Variants in CNBD1 observed in about 807,000 individuals in gnomAD.
CNBD1 encodes the protein cyclic nucleotide binding domain containing 1, also known as cyclic nucleotide-binding domain-containing protein 1.
A neutral mutation model predicts 54.4 loss-of-function variants in CNBD1; 71 were observed. The ratio of observed to expected loss-of-function variants is 1.30; its 90% CI spans 1.08 to 1.59. CNBD1 has a LOEUF of 1.59. Ranked by LOEUF, CNBD1 falls within the 40% of genes most tolerant of loss-of-function variation. The pLI is 0.00. For synonymous variants in CNBD1, 182 were observed against 170.7 expected (o/e 1.07, Z -0.51); for missense variants, 659 against 518.0 (o/e 1.27, Z -2.64).
chr8:87,324,948 A>T (rs1173085907), intron 8 of CNBD1, among the ~76,000 whole-genome samples: 3 of 107,592 alleles, frequency 2.8e-5, no homozygotes, highest in Admixed American at 8.3e-5. Context: ...TCAGTGCTAT[A>T]AATTTCCCTC....
At chr8:87,049,817 G>A (rs2130622003) in intron 4 of CNBD1, among the ~76,000 whole-genome samples, 1 of 152,322 alleles carries the variant, frequency 6.6e-6, no homozygotes, top group African/African-American at 2.4e-5. Flanking sequence ...GCTGTATTAT[G>A]TGGAGTATAA....
rs1185578993 is a variant in CNBD1 at position 87,065,069 on chromosome 8, C to A, written c.431+125315C>A. Among the ~76,000 whole-genome samples the A allele has an allele frequency of 3.3e-5, 5 of 151,898 alleles. No homozygotes were observed. In the East Asian group the frequency reaches 9.6e-4, roughly 29 times the overall value. ...ATGTTTATTCTGTTGTTGCTTCAAT[C>A]TGTTTGGTTCTTAATTTGGTGGTGT... On this transcript the variant is annotated intron_variant, in intron 4 of 10. Coordinates refer to ENST00000518476, the MANE Select transcript of CNBD1 (RefSeq NM_173538.3).
intron 4 of CNBD1, among the ~76,000 whole-genome samples, chr8:87,093,315 G>T (rs2130682955): frequency 6.6e-6 from 1 of 152,274 alleles, no homozygotes; most frequent in East Asian, 1.9e-4. Context: ...GCTAGGAGGA[G>T]ATGAATAAGT....
At chr8:87,184,037 C>T (rs999371042) in intron 4 of CNBD1, among the ~76,000 whole-genome samples, 1 of 152,166 alleles carries the variant, frequency 6.6e-6, no homozygotes, top group Non-Finnish European at 1.5e-5. Flanking sequence ...GGTCTGTGCT[C>T]ACCACTGGGG....
intron 4 of CNBD1, among the ~76,000 whole-genome samples, chr8:87,003,536 C>T (rs964073078): frequency 6.6e-6 from 1 of 152,044 alleles, no homozygotes; most frequent in South Asian, 2.1e-4. Context: ...CCTTCTTTGT[C>T]AAGTAGGAGA....
At chr8:86,922,597 A>G (rs1279224642) in intron 3 of CNBD1, among the ~76,000 whole-genome samples, 2 of 152,200 alleles carry the variant, frequency 1.3e-5, no homozygotes, top group African/African-American at 4.8e-5. Flanking sequence ...AATTGGCTAC[A>G]GGCATAAGAT....
chr8:86,905,234 G>A (rs375660261), intron 3 of CNBD1, 40 bp downstream of exon 3: 4 of 1,133,232 alleles, frequency 3.5e-6, no homozygotes, highest in African/African-American at 1.5e-5. Flanking sequence ...TGATGGGTGT[G>A]TATGAGTGTG....
chr8:87,412,379 G>T (rs1280836106), intron 2 of CNBD1, among the ~76,000 whole-genome samples: 1 of 151,962 alleles, frequency 6.6e-6, no homozygotes, highest in Non-Finnish European at 1.5e-5. Flanking sequence ...TATCACTTCT[G>T]GTTACTCGAT....
chr8:87,424,377 A>T (rs1416462542), intron 2 of CNBD1, among the ~76,000 whole-genome samples: 1 of 151,892 alleles, frequency 6.6e-6, no homozygotes, highest in African/African-American at 2.4e-5. Context: ...TAGGGTGTCA[A>T]TTTTGGATCT....
chr8:87,035,170 T>C (rs1046882606), intron 4 of CNBD1, among the ~76,000 whole-genome samples: 3 of 152,222 alleles, frequency 2.0e-5, no homozygotes, highest in African/African-American at 7.2e-5. Flanking sequence ...CTTAATTAAA[T>C]GAATTATTTT....
intron 5 of CNBD1, among the ~76,000 whole-genome samples, chr8:87,207,372 TG>T: frequency 6.6e-6 from 1 of 152,152 alleles, no homozygotes; most frequent in Middle Eastern, 3.4e-3. Context: ...TATATTGATA[TG>T]GAAACATTAA....
intron 5 of CNBD1, among the ~76,000 whole-genome samples, chr8:87,215,722 G>A (rs1325687750): frequency 6.6e-6 from 1 of 151,952 alleles, no homozygotes; most frequent in Non-Finnish European, 1.5e-5. Flanking sequence ...GAATTTCATT[G>A]AATTGTATCT....
At chr8:87,373,521 A>T (rs1355116035) in intron 10 of CNBD1, among the ~76,000 whole-genome samples, 1 of 151,832 alleles carries the variant, frequency 6.6e-6, no homozygotes, top group Non-Finnish European at 1.5e-5. Flanking sequence ...TGTAATTATG[A>T]TGCCTTAAAT....
At chr8:87,377,599 G>A (rs1810976355) in intron 10 of CNBD1, among the ~76,000 whole-genome samples, 1 of 151,412 alleles carries the variant, frequency 6.6e-6, no homozygotes. Flanking sequence ...CGTGAATAAT[G>A]CCGCAATAAA....
chr8:87,132,231 T>C (rs914101180), intron 4 of CNBD1, among the ~76,000 whole-genome samples: 5 of 151,994 alleles, frequency 3.3e-5, no homozygotes, highest in African/African-American at 1.2e-4. Context: ...ATACATATAA[T>C]TAATGGCACT....
intron 4 of CNBD1, among the ~76,000 whole-genome samples, chr8:87,015,514 T>C (rs1809336606): frequency 1.3e-5 from 2 of 152,070 alleles, no homozygotes; most frequent in South Asian, 4.1e-4. Flanking sequence ...ATGCAAAAAG[T>C]TTTTAAGTTT....
chr8:87,242,556 T>C (rs2130831311), intron 6 of CNBD1, among the ~76,000 whole-genome samples: 1 of 152,322 alleles, frequency 6.6e-6, no homozygotes, highest in South Asian at 2.1e-4. Context: ...AGAATGTCTG[T>C]GAATCCACCT....
At chr8:86,947,075 T>C (rs1807487296) in intron 4 of CNBD1, among the ~76,000 whole-genome samples, 1 of 152,118 alleles carries the variant, frequency 6.6e-6, no homozygotes, top group African/African-American at 2.4e-5. Context: ...TTGTTTCTAG[T>C]AGAGTGTGGG....
chr8:87,371,667 G>T lies in CNBD1; in HGVS notation c.1304-10953G>T, dbSNP rs548830548. Among the ~76,000 whole-genome samples, 457 of 152,156 alleles carry T rather than the reference G, an allele frequency of 3.0e-3. 5 individuals are homozygous for T. Among genetic ancestry groups the T allele is most frequent in the African/African-American group, 9.9e-3 (410 of 41,534 alleles). On this transcript the variant is annotated intron_variant, in intron 10 of 10. Coordinates refer to ENST00000518476, the MANE Select transcript of CNBD1 (RefSeq NM_173538.3). ...ATCAAGTGGGCTTCATCCCTGGGAT[G>T]CAAGGCTGGTTCAATATATGCAAAT...
Sources: allele counts gnomAD v4.1 joint callset (sites outside exome capture counted in the v4.1 genomes callset), GRCh38; gene constraint gnomAD v4.1.1; transcripts MANE v1.5; gene names NCBI Gene and HGNC (gene_info 2026-07-23, HGNC 2026-07-21).